Variants in PER3 observed in about 807,000 individuals in gnomAD.
PER3 encodes the protein period circadian protein homolog 3.
Under a neutral mutation model 127.2 loss-of-function variants are expected in PER3, and 107 were observed. The ratio of observed to expected loss-of-function variants is 0.84; its 90% CI spans 0.72 to 0.99. The LOEUF (loss-of-function observed/expected upper bound fraction) is 0.99, where lower values mean the gene tolerates loss of function less well. Ranked by LOEUF, PER3 falls within the 50% of genes least tolerant of loss-of-function variation. The pLI is 0.00. For synonymous variants in PER3, 618 were observed against 585.8 expected, an observed-to-expected ratio of 1.05 and a Z score of -0.79; for missense variants, 1,560 against 1,525.8, an observed-to-expected ratio of 1.02 and a Z score of -0.37.
At chr1:7,812,772 A>C (rs1195295397) in intron 13 of PER3, among the ~76,000 whole-genome samples, 1 of 152,198 alleles carries the variant, frequency 6.6e-6, no homozygotes, top group Non-Finnish European at 1.5e-5. Context: ...TTTGGAGAAG[A>C]AGGAAGATCT....
rs887584695 is a variant in PER3, at chr1:7,826,124, T to G, written c.1958-356T>G. ...GAGGGGAATTTACTACATGTCTTTA[T>G]TAATACTTCCTGATTTTTGAACCAC... On this transcript the variant is annotated intron_variant, in intron 16 of 21. Transcript: ENST00000377532. This position sits in a 1 kb window ranked among gnomAD's most constrained non-coding sequence, Gnocchi z 4.2. Among the ~76,000 whole-genome samples, 3 of 152,166 alleles carry G rather than the reference T, an allele frequency of 2.0e-5. No individual in the cohort carries two copies. The highest frequency in any genetic ancestry group is 7.2e-5 in the African/African-American group (3 of 41,450).
rs1324190477 is a variant in PER3, at chr1:7,806,806, A to T, written c.1137-2087A>T. On this transcript the variant is annotated intron_variant, in intron 10 of 21. Coordinates refer to ENST00000377532, the MANE Select transcript of PER3 (RefSeq NM_001377275.1). ...AAGACCCTGTCTCTTAAAAAAAAAAAAAAAAAATATATATATATATATATA... is the reference window on the plus strand; with the variant it reads ...AAGACCCTGTCTCTTAAAAAAAAAATAAAAAAATATATATATATATATATA... Among the ~76,000 whole-genome samples the T allele has an allele frequency of 6.9e-3, 406 of 58,526 alleles. 3 individuals carry two copies. Among genetic ancestry groups the T allele is most frequent in the African/African-American group, 0.018 (291 of 15,898 alleles). The allele number at this position is 58,526 out of a possible 152,430, so 38.4% of individuals were successfully genotyped here.
rs764149749 is a variant in PER3, at chr1:7,827,696, C to A, written c.2767C>A (p.Pro923Thr). ...EKWEAQSEGH[P>T]FITSRSSSPL... is the part of the protein sequence containing the mutation. The stretch of plus-strand genomic sequence containing the variant: ...GTGGGAGGCACAAAGCGAGGGGCAC[C>A]CGTTCATTACTTCGAGAAGCAGCTC... Residue 923 changes from proline (P) to threonine (T), a missense_variant, in exon 18 of 22, where the codon CCG (proline) becomes ACG (threonine). This residue lies in a region of PER3 where 1,332 missense variants were observed against 1,223.6 expected (regional missense o/e 1.09). Transcript: ENST00000377532. 3.7e-6 allele frequency: 6 copies of A among 1,613,996 alleles called. No individual in the cohort carries two copies. In the Admixed American group the frequency reaches 1.0e-4, roughly 27 times the overall value.
chr1:7,789,106 T>A (rs2097106218), intron 5 of PER3, among the ~76,000 whole-genome samples: 1 of 149,768 alleles, frequency 6.7e-6, no homozygotes, highest in South Asian at 2.1e-4. Flanking sequence ...CATTATTTTA[T>A]ATTCTTTGTG....
chr1:7,792,869 C>T (rs771394872), intron 5 of PER3, among the ~76,000 whole-genome samples: 4 of 152,200 alleles, frequency 2.6e-5, no homozygotes, highest in Non-Finnish European at 4.4e-5. Context: ...TCTTAGATCA[C>T]GTAGTCTAGC....
At position 7,788,551 on chromosome 1, in the gene PER3, T is replaced by G. The variant is rs189337668; in HGVS notation, c.592+305T>G. The G allele has an allele frequency of 7.1e-3, 1,678 of 235,760 alleles. 8 individuals carry two copies. Among genetic ancestry groups the G allele is most frequent in the Non-Finnish European group, 1.0e-2 (1,217 of 121,890 alleles). The allele number at this position is 235,760 out of a possible 1,614,324, so 14.6% of individuals were successfully genotyped here. A position where few individuals can be genotyped will look rare whatever the true frequency, so the allele number is the denominator to read the frequency against. ...GGCTCTGTTTCCTTTAAGTTAAAAT[T>G]AAATGTTTTTCCTCCTTCATGATTT... is the stretch of plus-strand genomic sequence containing the variant. On this transcript the variant is annotated intron_variant, in intron 5 of 21. Coordinates refer to ENST00000377532, the MANE Select transcript of PER3 (RefSeq NM_001377275.1).
intron 21 of PER3, among the ~76,000 whole-genome samples, chr1:7,837,443 C>A (rs2097363735): frequency 1.3e-5 from 2 of 152,056 alleles, no homozygotes; most frequent in Admixed American, 1.3e-4. Flanking sequence ...AGTAAAAACA[C>A]CTGCTTTGAT....
intron 19 of PER3, among the ~76,000 whole-genome samples, chr1:7,834,085 A>AT (rs1314601307): frequency 1.3e-5 from 2 of 151,800 alleles, no homozygotes; most frequent in Non-Finnish European, 2.9e-5. Flanking sequence ...ACCACGCCTA[A>AT]TTTTTTGTAT....
intron 13 of PER3, among the ~76,000 whole-genome samples, chr1:7,818,360 CA>C (rs1252987045): frequency 6.6e-6 from 1 of 152,176 alleles, no homozygotes; most frequent in African/African-American, 2.4e-5. Context: ...AAAGGTAATA[CA>C]GTCATTTTTC....
chr1:7,813,354 A>C (rs1021442632), intron 13 of PER3, among the ~76,000 whole-genome samples: 8 of 152,174 alleles, frequency 5.3e-5, no homozygotes, highest in Non-Finnish European at 1.2e-4. Flanking sequence ...CAACAGAAAA[A>C]TCTAGATGAA....
At chr1:7,827,862 T>G in intron 18 of PER3, 47 bp downstream of exon 18, 1 of 1,459,826 alleles carries the variant, frequency 6.9e-7, no homozygotes, top group Non-Finnish European at 9.4e-7. Flanking sequence ...GTGAATATCT[T>G]ACTAAAGTTA....
chr1:7,840,362 C>G (rs2097379838), intron 21 of PER3, among the ~76,000 whole-genome samples: 2 of 151,070 alleles, frequency 1.3e-5, no homozygotes, highest in African/African-American at 2.4e-5. Context: ...AGGTCTCACT[C>G]TGTCACCCAG....
In PER3 at chr1:7,794,785, T is replaced by C. The variant is rs529698877; in HGVS notation, c.644+777T>C. ...AATTTTAACAGTAGTTGATTGCTGG[T>C]AGGAATTACTACTGAATTTTTTATC... On this transcript the variant is annotated intron_variant, in intron 6 of 21. Coordinates refer to ENST00000377532, the MANE Select transcript of PER3 (RefSeq NM_001377275.1). Among the ~76,000 whole-genome samples the C allele has an allele frequency of 1.7e-4, 26 of 151,828 alleles. No homozygotes were observed. In the East Asian group the frequency reaches 4.8e-3, roughly 28 times the overall value.
At chr1:7,816,499 C>T (rs1323506173) in intron 13 of PER3, among the ~76,000 whole-genome samples, 2 of 152,090 alleles carry the variant, frequency 1.3e-5, no homozygotes, top group African/African-American at 2.4e-5. Context: ...ACATAAAGAA[C>T]GCTCAAAACT....
intron 5 of PER3, among the ~76,000 whole-genome samples, chr1:7,792,516 G>A (rs1026129986): frequency 6.6e-5 from 10 of 152,166 alleles, no homozygotes; most frequent in South Asian, 2.1e-4. Context: ...CATAAGGCAC[G>A]ATATAATTCT....
In PER3 at chr1:7,819,337, G is replaced by A; in HGVS notation, c.1575G>A (p.Val525=). Reference sequence around the variant, plus strand: ...ACCAAACACTGAAAAACAATAGTGTGTACACTGAGCCCTGTGAGGATTTGA... The same window carrying A: ...ACCAAACACTGAAAAACAATAGTGTATACACTGAGCCCTGTGAGGATTTGA... ...SFHQTLKNNS[V]YTEPCEDLRN... The change falls in exon 14 of 22, where the codon GTG becomes GTA. Residue 525 remains valine, a synonymous_variant. Coordinates refer to ENST00000377532, the MANE Select transcript of PER3 (RefSeq NM_001377275.1). 1.2e-6 allele frequency: 2 copies of A among 1,613,248 alleles called. No homozygotes were observed. The highest frequency in any genetic ancestry group is 1.7e-6 in the Non-Finnish European group (2 of 1,179,180).
rs761350028 is a variant in PER3 at position 7,827,217 on chromosome 1, C to A, written c.2288C>A (p.Thr763Asn). 2 of 1,613,924 alleles carry A rather than the reference C, an allele frequency of 1.2e-6. No individual in the cohort carries two copies. Reference protein sequence around the residue: ...PEPPDSSSSNTGSGPRRGAHQ... With the variant: ...PEPPDSSSSNNGSGPRRGAHQ... ...CCGCCAGACAGCAGCAGCTCGAACACCGGCTCTGGTCCCCGCAGGGGAGCG... is the reference window on the plus strand; with the variant it reads ...CCGCCAGACAGCAGCAGCTCGAACAACGGCTCTGGTCCCCGCAGGGGAGCG... Residue 763 changes from threonine (T) to asparagine (N), a missense_variant, in exon 18 of 22, where the codon ACC (threonine) becomes AAC (asparagine). Physicochemically the swap from Thr to Asn is moderately conservative, Grantham distance 65. This residue lies in a region of PER3 where 1,332 missense variants were observed against 1,223.6 expected (regional missense o/e 1.09). Transcript: ENST00000377532.
chr1:7,800,399 G>C (rs746320324), intron 7 of PER3, among the ~76,000 whole-genome samples: 18 of 151,164 alleles, frequency 1.2e-4, no homozygotes, highest in Non-Finnish European at 1.6e-4. Flanking sequence ...GTAGAGACAG[G>C]GTTTTATCAT....
At chr1:7,797,323 G>A (rs948771011) in intron 6 of PER3, among the ~76,000 whole-genome samples, 19 of 152,104 alleles carry the variant, frequency 1.2e-4, no homozygotes, top group Non-Finnish European at 2.1e-4. Context: ...AGATTCTGTA[G>A]TGTGTGGTAG....
Sources: allele counts gnomAD v4.1 joint callset (sites outside exome capture counted in the v4.1 genomes callset), GRCh38; gene constraint gnomAD v4.1.1; regional missense constraint gnomAD v4.1.1; non-coding constraint Gnocchi (gnomAD v3.1); transcripts MANE v1.5; gene names NCBI Gene and HGNC (gene_info 2026-07-23, HGNC 2026-07-21).